ACBD5: variants seen among roughly 807,000 people sequenced by gnomAD.
ACBD5 encodes acyl-CoA-binding domain-containing protein 5.
In ACBD5, 40 loss-of-function variants were observed where a neutral mutation model predicts 71.8. The observed-to-expected ratio is 0.56, with a 90% confidence interval of 0.43 to 0.72. The LOEUF (loss-of-function observed/expected upper bound fraction) is 0.72. ACBD5 is among the 30% of genes least tolerant of loss of function. The pLI is 0.00. For missense variants in ACBD5, 559 were observed against 644.5 expected (o/e 0.87, Z 1.44); for synonymous variants, 229 against 218.6 (o/e 1.05, Z -0.42).
chr10:27,193,823 C>A (rs551582764), downstream of ACBD5, among the ~76,000 whole-genome samples: 3 of 152,256 alleles, frequency 2.0e-5, no homozygotes, highest in South Asian at 2.1e-4. Flanking sequence ...AGACTTATAT[C>A]GAAGGAAAAG....
At chr10:27,226,618 A>G (rs2063061595) in intron 4 of ACBD5, among the ~76,000 whole-genome samples, 1 of 149,384 alleles carries the variant, frequency 6.7e-6, no homozygotes, top group Non-Finnish European at 1.5e-5. Context: ...AATACCCAAC[A>G]CAAATTCGTA....
chr10:27,212,114 C>G (rs1318118130), intron 8 of ACBD5, among the ~76,000 whole-genome samples: 1 of 152,132 alleles, frequency 6.6e-6, no homozygotes, highest in Non-Finnish European at 1.5e-5. Context: ...TTTGGGAGGC[C>G]AGGGTAGGCA....
At chr10:27,203,154 T>C (rs1349830329) in intron 12 of ACBD5, among the ~76,000 whole-genome samples, 1 of 151,736 alleles carries the variant, frequency 6.6e-6, no homozygotes. Context: ...TTTTATTTAA[T>C]TTTTTAAATT....
At chr10:27,221,736 A>C (rs908824819) in intron 5 of ACBD5, among the ~76,000 whole-genome samples, 11 of 151,984 alleles carry the variant, frequency 7.2e-5, no homozygotes, top group Admixed American at 7.2e-4. Context: ...CCACATGGCA[A>C]AACCCTGGCT....
At chr10:27,194,736 G>A (rs910929099), downstream of ACBD5, among the ~76,000 whole-genome samples, 4 of 151,876 alleles carry the variant, frequency 2.6e-5, no homozygotes, top group South Asian at 2.1e-4. Context: ...AGTGGCTCAC[G>A]CCTGTCATCC....
At chr10:27,209,977 C>T (rs1029832031) in intron 9 of ACBD5, among the ~76,000 whole-genome samples, 1 of 152,118 alleles carries the variant, frequency 6.6e-6, no homozygotes, top group African/African-American at 2.4e-5. Flanking sequence ...TGTAAATACT[C>T]GTCCAAATTT....
intron 10 of ACBD5, 75 bp from the exon 11 acceptor site, chr10:27,205,323 T>C: frequency 6.8e-7 from 1 of 1,474,554 alleles, no homozygotes; most frequent in Non-Finnish European, 9.4e-7. Flanking sequence ...CCTATCTTTT[T>C]TTAAAAGGCA....
chr10:27,213,494 A>G (rs1564618312), intron 8 of ACBD5, among the ~76,000 whole-genome samples: 2 of 152,202 alleles, frequency 1.3e-5, no homozygotes, highest in Admixed American at 1.3e-4. Context: ...GTGGTGGCTC[A>G]CGCCTGAAAT....
At chr10:27,212,930 T>C (rs1381440336) in intron 8 of ACBD5, among the ~76,000 whole-genome samples, 1 of 152,172 alleles carries the variant, frequency 6.6e-6, no homozygotes, top group African/African-American at 2.4e-5. Flanking sequence ...GGGGTAGATT[T>C]AATTGCATTA....
downstream of ACBD5, among the ~76,000 whole-genome samples, chr10:27,194,612 A>AATAAT (rs2059228557): frequency 2.2e-5 from 3 of 135,592 alleles, no homozygotes; most frequent in Admixed American, 7.5e-5. Flanking sequence ...ACTCCATCTC[A>AATAAT]AATAATAATA....
chr10:27,237,233 G>A (rs2064832558), intron 2 of ACBD5, among the ~76,000 whole-genome samples: 1 of 152,186 alleles, frequency 6.6e-6, no homozygotes, highest in South Asian at 2.1e-4. Context: ...TACAAAAACC[G>A]AGAACATTTA....
In ACBD5 at chr10:27,196,439, C is replaced by G. The variant is rs1031718761; in HGVS notation, c.*991G>C. The G allele has an allele frequency of 2.2e-6, 1 of 454,422 alleles. No individual in the cohort carries two copies. The highest frequency in any genetic ancestry group is 4.4e-6 in the Non-Finnish European group (1 of 226,766). The allele number at this position is 454,422 out of a possible 1,614,324, so 28.1% of individuals were successfully genotyped here. A position where few individuals can be genotyped will look rare whatever the true frequency, so the allele number is the denominator to read the frequency against. ...CGTTAGCTTGCAAATCCCTCCAGTA[C>G]TCCTGTGAAGTAGGTGTATCTAAAA... On this transcript the variant is annotated 3_prime_UTR_variant, in exon 13 of 13. Transcript: ENST00000396271.
intron 4 of ACBD5, among the ~76,000 whole-genome samples, chr10:27,225,071 C>CTCTT (rs147302317): frequency 0.079 from 9,750 of 123,392 alleles, 637 homozygotes; most frequent in African/African-American, 0.21. Flanking sequence ...CTCTCTCGCT[C>CTCTT]TCTTTCTTTT....
In ACBD5 at chr10:27,205,235, G is replaced by A. The variant is rs570796190; in HGVS notation, c.1418C>T (p.Thr473Ile). 2.5e-6 allele frequency: 4 copies of A among 1,612,768 alleles called. No homozygotes were observed. The highest frequency in any genetic ancestry group is 2.7e-5 in the African/African-American group (2 of 74,868). Reference sequence around the variant, plus strand: ...CTGAGGAGCAGTCTGCAATGTTGATGTTGATGATTTTGCCTGTAAATGCAA... The same window carrying A: ...CTGAGGAGCAGTCTGCAATGTTGATATTGATGATTTTGCCTGTAAATGCAA... ...TLTALQAKSSTSTLQTAPQPT... is the reference protein window; with the variant it reads ...TLTALQAKSSISTLQTAPQPT... Residue 473 changes from threonine to isoleucine, a missense_variant, in exon 11 of 13, where the codon ACA (threonine) becomes ATA (isoleucine). Coordinates refer to ENST00000396271, the MANE Select transcript of ACBD5 (RefSeq NM_145698.5).
At chr10:27,200,346 G>A (rs2059792571) in intron 12 of ACBD5, among the ~76,000 whole-genome samples, 1 of 152,046 alleles carries the variant, frequency 6.6e-6, no homozygotes, top group African/African-American at 2.4e-5. Context: ...TACCCTATAT[G>A]GTCTAAAAAG....
chr10:27,237,739 A>G (rs113264896), intron 2 of ACBD5, among the ~76,000 whole-genome samples: 1,567 of 148,066 alleles, frequency 0.011, 17 homozygotes, highest in Middle Eastern at 0.018. Flanking sequence ...TCCTGCCTCA[A>G]CCTCCCGAGT....
chr10:27,234,867 G>A (rs1215574576), intron 3 of ACBD5, among the ~76,000 whole-genome samples: 2 of 152,178 alleles, frequency 1.3e-5, no homozygotes, highest in Non-Finnish European at 2.9e-5. Flanking sequence ...AGGAGGCAGA[G>A]GCTGCAGTGA....
At chr10:27,224,788 T>C (rs1267872583) in intron 4 of ACBD5, among the ~76,000 whole-genome samples, 3 of 150,864 alleles carry the variant, frequency 2.0e-5, no homozygotes, top group Non-Finnish European at 2.9e-5. Context: ...CCCAGCACTT[T>C]GGGAGGCTGA....
intron 10 of ACBD5, among the ~76,000 whole-genome samples, chr10:27,206,991 T>C (rs2060529237): frequency 6.6e-6 from 1 of 151,226 alleles, no homozygotes; most frequent in South Asian, 2.1e-4. Context: ...AATATGTAAC[T>C]GAGAGGCCGG....
Sources: allele counts gnomAD v4.1 joint callset (sites outside exome capture counted in the v4.1 genomes callset), GRCh38; gene constraint gnomAD v4.1.1; transcripts MANE v1.5; gene names NCBI Gene and HGNC (gene_info 2026-07-23, HGNC 2026-07-21).